TUNAR: variants seen among roughly 807,000 people sequenced by gnomAD.
The protein encoded by TUNAR is protein TUNAR.
At chr14:95,902,599 G>A (rs1889371490) in intron 2 of TUNAR, among the ~76,000 whole-genome samples, 1 of 152,206 alleles carries the variant, frequency 6.6e-6, no homozygotes, top group Non-Finnish European at 1.5e-5. Flanking sequence ...GCTGTTCTGT[G>A]CCCTTAGCAA....
intron 2 of TUNAR, among the ~76,000 whole-genome samples, chr14:95,904,768 A>C (rs1358711573): frequency 6.6e-6 from 1 of 152,164 alleles, no homozygotes; most frequent in East Asian, 1.9e-4. Context: ...CTGCAGAGAA[A>C]AGTCCAGGAG....
At chr14:95,923,739 C>G (rs1309178428) in exon 3 of TUNAR, 1 of 152,168 alleles carries the variant, frequency 6.6e-6, no homozygotes, top group African/African-American at 2.4e-5. Flanking sequence ...TCTCTCCTCT[C>G]TCTCTGCCTC....
chr14:95,919,351 T>C (rs1889655366), intron 2 of TUNAR, among the ~76,000 whole-genome samples: 1 of 152,152 alleles, frequency 6.6e-6, no homozygotes, highest in Non-Finnish European at 1.5e-5. Context: ...AAGAGAAAAC[T>C]GTAAATAAAA....
intron 2 of TUNAR, among the ~76,000 whole-genome samples, chr14:95,896,109 A>AG (rs562189475): frequency 0.027 from 4,114 of 150,996 alleles, 90 homozygotes; most frequent in Middle Eastern, 0.071. Flanking sequence ...CCAGTGAGTA[A>AG]TAGAGTGGAT....
At position 95,892,413 on chromosome 14, in the gene TUNAR, G is replaced by A. The variant is rs60281337; in HGVS notation, c.12+15236G>A. On this transcript the variant is annotated intron_variant, in intron 2 of 2. Transcript: ENST00000678517. ...CCTCAGTGAGTGGGTGGCAGTGCGA[G>A]CACATTGTGTGTTCCGGGGAGCCGG... Among the ~76,000 whole-genome samples, 62 of 152,388 alleles carry A rather than the reference G, an allele frequency of 4.1e-4. No homozygotes were observed. The East Asian group carries it at 0.012, about 29-fold the overall frequency.
At chr14:95,909,644 C>T (rs907936689) in intron 2 of TUNAR, among the ~76,000 whole-genome samples, 21 of 152,276 alleles carry the variant, frequency 1.4e-4, no homozygotes, top group African/African-American at 4.8e-4. Context: ...CCCTACCCCC[C>T]ATCTCAGCTG....
chr14:95,883,625 T>TGCATACTTGGAG (rs1889017204), intron 2 of TUNAR, among the ~76,000 whole-genome samples: 1 of 152,150 alleles, frequency 6.6e-6, no homozygotes, highest in Admixed American at 6.5e-5. Flanking sequence ...ATTTAGCTGT[T>TGCATACTTGGAG]GCATACTTGG....
intron 2 of TUNAR, among the ~76,000 whole-genome samples, chr14:95,915,013 T>C (rs1889578820): frequency 1.3e-5 from 2 of 152,198 alleles, no homozygotes; most frequent in Non-Finnish European, 2.9e-5. Flanking sequence ...AGCGAGAATA[T>C]TTTGTTTTAA....
intron 2 of TUNAR, among the ~76,000 whole-genome samples, chr14:95,886,457 A>G (rs1438090215): frequency 6.6e-6 from 1 of 152,204 alleles, no homozygotes; most frequent in Non-Finnish European, 1.5e-5. Flanking sequence ...AGAGACAGAA[A>G]AGCATGTTCC....
At chr14:95,879,533 G>T (rs765902343) in intron 2 of TUNAR, among the ~76,000 whole-genome samples, 23 of 152,158 alleles carry the variant, frequency 1.5e-4, no homozygotes, top group Non-Finnish European at 2.8e-4. Flanking sequence ...TTGTGTCATA[G>T]ATCATACTAC....
At chr14:95,919,407 G>T (rs1247383513) in intron 2 of TUNAR, among the ~76,000 whole-genome samples, 2 of 152,242 alleles carry the variant, frequency 1.3e-5, no homozygotes, top group Non-Finnish European at 2.9e-5. Context: ...ACGGGGAAAT[G>T]AAATAGTATC....
intron 2 of TUNAR, among the ~76,000 whole-genome samples, chr14:95,882,475 TG>T: frequency 7.3e-6 from 1 of 136,366 alleles, no homozygotes; most frequent in South Asian, 2.4e-4. Context: ...CTGTGTTTCT[TG>T]TTGTTTTTGT....
chr14:95,880,756 G>T (rs1471819558), intron 2 of TUNAR, among the ~76,000 whole-genome samples: 2 of 152,234 alleles, frequency 1.3e-5, no homozygotes, highest in Non-Finnish European at 1.5e-5. Context: ...GGTTTTGTGT[G>T]TAGGCTTCCC....
chr14:95,905,889 A>G (rs1889421210), intron 2 of TUNAR, among the ~76,000 whole-genome samples: 1 of 152,150 alleles, frequency 6.6e-6, no homozygotes, highest in African/African-American at 2.4e-5. Flanking sequence ...GTGATTATTT[A>G]CTTATGTCAA....
chr14:95,920,547 G>T lies in TUNAR; in HGVS notation c.13-2234G>T, dbSNP rs576715084. ...GAAGAATATGAAACTTGCCTTTAGGGTGTTCATTTGTTCACTTATGCACAG... is the reference window on the plus strand; with the variant it reads ...GAAGAATATGAAACTTGCCTTTAGGTTGTTCATTTGTTCACTTATGCACAG... On this transcript the variant is annotated intron_variant, in intron 2 of 2. Transcript: ENST00000678517. Among the ~76,000 whole-genome samples the T allele has an allele frequency of 2.6e-4, 40 of 152,206 alleles. No homozygotes were observed. The South Asian group carries it at 7.9e-3, about 30-fold the overall frequency.
intron 2 of TUNAR, among the ~76,000 whole-genome samples, chr14:95,915,218 G>C (rs1368213835): frequency 6.6e-6 from 1 of 152,206 alleles, no homozygotes. Flanking sequence ...GCATGCAACA[G>C]ATACTGGTAA....
intron 2 of TUNAR, among the ~76,000 whole-genome samples, chr14:95,892,341 C>T (rs529314161): frequency 6.6e-4 from 101 of 152,348 alleles, no homozygotes; most frequent in African/African-American, 2.2e-3. Flanking sequence ...AGCCTGTGGA[C>T]GGATTGTGCC....
intron 2 of TUNAR, among the ~76,000 whole-genome samples, chr14:95,904,396 A>G (rs562956681): frequency 1.3e-5 from 2 of 152,178 alleles, no homozygotes; most frequent in Admixed American, 6.5e-5. Context: ...GGAGTGGGAG[A>G]GGAAAGGTGG....
chr14:95,915,788 T>C (rs1237142765), intron 2 of TUNAR, among the ~76,000 whole-genome samples: 2 of 152,212 alleles, frequency 1.3e-5, no homozygotes, highest in Non-Finnish European at 2.9e-5. Flanking sequence ...GATTAAAAAC[T>C]CTCAAGTGTG....
Sources: gnomAD v4.1 joint callset for allele counts (sites outside exome capture counted in the v4.1 genomes callset) on GRCh38, gnomAD v4.1.1 for gene constraint, MANE v1.5 for transcripts, NCBI Gene and HGNC (gene_info 2026-07-23, HGNC 2026-07-21) for gene names.